Variants in HS1BP3 observed in about 807,000 individuals in gnomAD.
HS1BP3 encodes the protein HCLS1-binding protein 3.
A neutral mutation model predicts 33.5 loss-of-function variants in HS1BP3; 32 were observed. The ratio of observed to expected loss-of-function variants is 0.95; its 90% confidence interval spans 0.72 to 1.28. The LOEUF (loss-of-function observed/expected upper bound fraction) is 1.28, where lower values mean the gene tolerates loss of function less well. Ranked by LOEUF, HS1BP3 falls within the 50% of genes most tolerant of loss-of-function variation. The pLI is 0.00. For missense variants in HS1BP3, 486 were observed against 502.3 expected, an observed-to-expected ratio of 0.97 and a Z score of 0.31; for synonymous variants, 187 against 209.2, an observed-to-expected ratio of 0.89 and a Z score of 0.92.
chr2:20,617,425 T>C (rs1426310406), downstream of HS1BP3, among the ~76,000 whole-genome samples: 3 of 151,134 alleles, frequency 2.0e-5, no homozygotes, highest in Non-Finnish European at 3.0e-5. Context: ...GAGGAGGGAG[T>C]CAGCTCTCGA....
chr2:20,587,903 ATCT>A (rs1179869850), downstream of HS1BP3, among the ~76,000 whole-genome samples: 8 of 152,228 alleles, frequency 5.3e-5, no homozygotes, highest in South Asian at 1.7e-3. Flanking sequence ...TGGGAAAGAA[ATCT>A]TCTCCCTGTC....
chr2:20,568,453 T>G (rs1693188415), intron 5 of HS1BP3, among the ~76,000 whole-genome samples: 1 of 152,130 alleles, frequency 6.6e-6, no homozygotes, highest in South Asian at 2.1e-4. Flanking sequence ...GCCGTCAGGC[T>G]TCAGTGTTCA....
intron 4 of HS1BP3, among the ~76,000 whole-genome samples, chr2:20,634,153 G>A (rs563725893): frequency 8.5e-5 from 13 of 152,268 alleles, no homozygotes; most frequent in African/African-American, 3.1e-4. Context: ...TACCGGAAGT[G>A]CCTTCTGGAC....
intron 4 of HS1BP3, among the ~76,000 whole-genome samples, chr2:20,628,571 G>A (rs992683164): frequency 1.3e-5 from 2 of 151,476 alleles, no homozygotes; most frequent in Non-Finnish European, 2.9e-5. Flanking sequence ...AGGGATGTAG[G>A]TTGCAGTGAG....
At chr2:20,584,110 G>T (rs1693624635) in intron 5 of HS1BP3, among the ~76,000 whole-genome samples, 1 of 152,204 alleles carries the variant, frequency 6.6e-6, no homozygotes, top group African/African-American at 2.4e-5. Context: ...GTGGCACTGA[G>T]CGAGGACACA....
At chr2:20,595,816 G>A (rs536106992) in intron 3 of HS1BP3, among the ~76,000 whole-genome samples, 1 of 152,280 alleles carries the variant, frequency 6.6e-6, no homozygotes, top group East Asian at 1.9e-4. Flanking sequence ...CATCCATCAC[G>A]GCCCATCAGG....
intron 5 of HS1BP3, among the ~76,000 whole-genome samples, chr2:20,562,577 C>A (rs1036235899): frequency 6.6e-6 from 1 of 152,150 alleles, no homozygotes; most frequent in African/African-American, 2.4e-5. Flanking sequence ...ATTAATGGAA[C>A]CTGCAGAGGG....
At chr2:20,620,653 C>T (rs1405906719) in intron 6 of HS1BP3, among the ~76,000 whole-genome samples, 1 of 152,256 alleles carries the variant, frequency 6.6e-6, no homozygotes, top group East Asian at 1.9e-4. Context: ...TCAGGCCACT[C>T]CTCCTCCCTG....
chr2:20,617,134 G>A (rs1251792623), downstream of HS1BP3, among the ~76,000 whole-genome samples: 2 of 152,256 alleles, frequency 1.3e-5, no homozygotes, highest in Non-Finnish European at 2.9e-5. Context: ...CAGGAGGCAG[G>A]GAGCCAGCAT....
intron 5 of HS1BP3, chr2:20,586,260 T>A (rs977718016): frequency 2.6e-4 from 39 of 152,190 alleles, no homozygotes; most frequent in African/African-American, 8.4e-4. Context: ...TTGGACAATG[T>A]TTTTATTTTT....
chr2:20,563,246 G>C lies in HS1BP3; in HGVS notation c.303-2731C>G, dbSNP rs547806809. Among the ~76,000 whole-genome samples, 7 of 152,338 alleles carry C rather than the reference G, an allele frequency of 4.6e-5. No homozygotes were observed. In the South Asian group the frequency reaches 1.4e-3, roughly 32 times the overall value. On this transcript the variant is annotated intron_variant, in intron 5 of 5. Coordinates refer to the HS1BP3 transcript ENST00000446825. ...GGCTGAACCAGTGGTTGCAGAGCCA[G>C]ATCTCTCTAAGACAGCCTCCAGTGC...
At chr2:20,567,716 A>C (rs1304557630) in intron 5 of HS1BP3, among the ~76,000 whole-genome samples, 1 of 152,202 alleles carries the variant, frequency 6.6e-6, no homozygotes, top group African/African-American at 2.4e-5. Flanking sequence ...GACTGACCGC[A>C]GGCTAGAAAG....
chr2:20,579,123 A>C (rs922526376), intron 5 of HS1BP3, among the ~76,000 whole-genome samples: 3 of 152,256 alleles, frequency 2.0e-5, no homozygotes, highest in Non-Finnish European at 4.4e-5. Context: ...TAAGTCCAGG[A>C]AACTCTACAG....
intron 4 of HS1BP3, chr2:20,635,013 A>C (rs1225011490): frequency 1.3e-5 from 2 of 151,232 alleles, no homozygotes; most frequent in Middle Eastern, 3.4e-3. Flanking sequence ...CTGTGTGCAA[A>C]AGAAGAGGTG....
chr2:20,614,777 G>T (rs4666442), downstream of HS1BP3, among the ~76,000 whole-genome samples: 151,519 of 152,352 alleles, frequency 0.99, 75,349 homozygotes, highest in East Asian at 1. Context: ...CTGAAAGTCA[G>T]CAATAAAGAG....
intron 4 of HS1BP3, among the ~76,000 whole-genome samples, chr2:20,629,512 A>G (rs2086386696): frequency 6.6e-6 from 1 of 152,196 alleles, no homozygotes. Context: ...GGATGGGGCA[A>G]AAGGGGCTTC....
In HS1BP3 at chr2:20,619,214, G is replaced by T. The variant is rs1166546940; in HGVS notation, c.952C>A (p.Leu318Met). The T allele has an allele frequency of 1.9e-6, 3 of 1,612,008 alleles. No homozygotes were observed. Among genetic ancestry groups the T allele is most frequent in the African/African-American group, 2.7e-5 (2 of 74,858 alleles). ...GGCTTGGGTTTGGGCTCAGCTCCCA[G>T]GTTCAGAATCTGGTCCAAGTCCTCT... The part of the protein sequence containing the change: ...VEEDLDQILN[L>M]GAEPKPKPQL... The change falls in exon 7 of 7, where the codon CTG becomes ATG. Residue 318 changes from leucine to methionine, a missense_variant. By Grantham distance (15) the Leu-to-Met change is conservative. Coordinates refer to ENST00000304031, the MANE Select transcript of HS1BP3 (RefSeq NM_022460.4).
chr2:20,583,594 G>A (rs934676605), intron 5 of HS1BP3, among the ~76,000 whole-genome samples: 7 of 152,214 alleles, frequency 4.6e-5, no homozygotes, highest in East Asian at 1.9e-4. Flanking sequence ...AGGGGCCAGC[G>A]GGTCAAGCCC....
chr2:20,624,129 G>T, intron 5 of HS1BP3, 98 bp from the exon 6 acceptor site: 1 of 1,387,110 alleles, frequency 7.2e-7, no homozygotes. Flanking sequence ...CTTCTGGGCA[G>T]TCCTACAGGA....
Sources: allele counts gnomAD v4.1 joint callset (sites outside exome capture counted in the v4.1 genomes callset), GRCh38; gene constraint gnomAD v4.1.1; transcripts MANE v1.5; gene names NCBI Gene and HGNC (gene_info 2026-07-23, HGNC 2026-07-21).